Variants in ZZZ3 observed in about 807,000 individuals in gnomAD.
ZZZ3 encodes the protein zinc finger ZZ-type containing 3.
In ZZZ3, 22 loss-of-function variants were observed where a neutral mutation model predicts 95.2. That is an observed-to-expected ratio of 0.23 (90% CI 0.17 to 0.33). The LOEUF is 0.33. Ranked by LOEUF, ZZZ3 falls within the 10% of genes least tolerant of loss-of-function variation. The pLI is 1.00. For synonymous variants in ZZZ3, 335 were observed against 358.9 expected, an observed-to-expected ratio of 0.93 and a Z score of 0.75; for missense variants, 885 against 1,066.5, an observed-to-expected ratio of 0.83 and a Z score of 2.37.
intron 12 of ZZZ3, among the ~76,000 whole-genome samples, chr1:77,571,806 A>G (rs1265422192): frequency 1.3e-5 from 2 of 152,210 alleles, no homozygotes; most frequent in Admixed American, 1.3e-4. Context: ...TGTTTAATAC[A>G]TACAGAGTTT....
intron 4 of ZZZ3, among the ~76,000 whole-genome samples, chr1:77,638,999 A>G (rs973915576): frequency 5.9e-5 from 9 of 152,170 alleles, no homozygotes; most frequent in Non-Finnish European, 1.2e-4. Flanking sequence ...TCTATTATGC[A>G]TTGTTTTACA....
At chr1:77,578,712 A>T (rs1662208240) in intron 11 of ZZZ3, 62 bp downstream of exon 11, 1 of 951,500 alleles carries the variant, frequency 1.1e-6, no homozygotes, top group African/African-American at 1.7e-5. Flanking sequence ...GTAGATTTTT[A>T]CATAGCAATT....
chr1:77,578,444 A>G (rs1662178329), intron 11 of ZZZ3, among the ~76,000 whole-genome samples: 1 of 152,228 alleles, frequency 6.6e-6, no homozygotes, highest in Non-Finnish European at 1.5e-5. Context: ...AAATTGATCT[A>G]TTAAATTTAT....
At chr1:77,681,741 A>C (rs1243464287) in intron 1 of ZZZ3, among the ~76,000 whole-genome samples, 1 of 151,862 alleles carries the variant, frequency 6.6e-6, no homozygotes, top group Non-Finnish European at 1.5e-5. Context: ...AAAACACAAA[A>C]ATTAGCCGGG....
intron 5 of ZZZ3, among the ~76,000 whole-genome samples, chr1:77,617,035 A>T (rs1421046449): frequency 6.6e-6 from 1 of 151,804 alleles, no homozygotes; most frequent in African/African-American, 2.4e-5. Context: ...TGAGCAAAAA[A>T]CCTCTAAGTA....
intron 6 of ZZZ3, among the ~76,000 whole-genome samples, chr1:77,584,064 TAG>T (rs1410306188): frequency 1.3e-5 from 2 of 152,212 alleles, no homozygotes; most frequent in African/African-American, 4.8e-5. Flanking sequence ...ATATTTAAAA[TAG>T]ATTTTGTTTT....
chr1:77,565,858 C>T, intron 14 of ZZZ3, 74 bp from the exon 15 acceptor site: 3 of 1,397,248 alleles, frequency 2.1e-6, no homozygotes, highest in Non-Finnish European at 2.9e-6. Context: ...AAAGCTTCCT[C>T]ACAGCTCTCC....
chr1:77,589,866 A>T (rs1178645470), intron 5 of ZZZ3, among the ~76,000 whole-genome samples: 2 of 152,220 alleles, frequency 1.3e-5, no homozygotes, highest in Admixed American at 1.3e-4. Flanking sequence ...ACAGGCAGAC[A>T]GAAACAGAAG....
In ZZZ3 at chr1:77,565,660, A is replaced by G. The variant is rs754508919; in HGVS notation, c.2692T>C (p.Tyr898His). ...GTSYNYLDPNYFPANR is the reference protein window; with the variant it reads ...GTSYNYLDPNHFPANR ...CCATGTCATCTGTTTGCTGGAAAGT[A>G]GTTTGGGTCAAGGTAATTGTAACTG... is the stretch of plus-strand genomic sequence containing the variant. Residue 898 changes from tyrosine to histidine, a missense_variant, in exon 15 of 15, where the codon TAC becomes CAC. Coordinates refer to ENST00000370801, the MANE Select transcript of ZZZ3 (RefSeq NM_015534.6). The G allele has an allele frequency of 3.1e-6, 5 of 1,613,906 alleles. No homozygotes were observed. Among genetic ancestry groups the G allele is most frequent in the Non-Finnish European group, 4.2e-6 (5 of 1,179,836 alleles).
At chr1:77,568,702 G>A (rs1661080618) in intron 12 of ZZZ3, among the ~76,000 whole-genome samples, 1 of 143,652 alleles carries the variant, frequency 7.0e-6, no homozygotes. Context: ...CTACTTCAAT[G>A]CAGGTAAAAG....
chr1:77,600,899 C>T (rs1472052555), intron 5 of ZZZ3, among the ~76,000 whole-genome samples: 1 of 152,174 alleles, frequency 6.6e-6, no homozygotes, highest in Non-Finnish European at 1.5e-5. Flanking sequence ...CAAGACTGGA[C>T]TCAGACTAGA....
intron 5 of ZZZ3, among the ~76,000 whole-genome samples, chr1:77,615,402 A>G (rs1462761969): frequency 2.0e-5 from 3 of 152,226 alleles, no homozygotes; most frequent in Non-Finnish European, 4.4e-5. Flanking sequence ...CATCATAGAA[A>G]CAAACTTGGC....
chr1:77,639,673 C>CTATA (rs1668595236), intron 3 of ZZZ3, 71 bp from the exon 4 acceptor site: 2 of 378,350 alleles, frequency 5.3e-6, no homozygotes. Context: ...TTTACTCCTT[C>CTATA]TATAATAAGA....
At position 77,639,546 on chromosome 1, in the gene ZZZ3, G is replaced by C; in HGVS notation, c.-149C>G. 8.2e-7 allele frequency: 1 copy of C among 1,224,976 alleles called. No individual in the cohort carries two copies. The highest frequency in any genetic ancestry group is 1.6e-5 in the African/African-American group (1 of 63,562). 75.9% of individuals were successfully genotyped at this position (1,224,976 alleles called of 1,614,324 possible). A position where few individuals can be genotyped will look rare whatever the true frequency, so the allele number is the denominator to read the frequency against. The stretch of plus-strand genomic sequence containing the variant: ...GATCTAGAATGGAGCTTAAGCATCA[G>C]GGTTTCAGACTCTCTCAGCTTCAGC... On this transcript the variant is annotated 5_prime_UTR_variant, in exon 4 of 15. Coordinates refer to ENST00000370801, the MANE Select transcript of ZZZ3 (RefSeq NM_015534.6).
At chr1:77,616,163 C>CT (rs1666294393) in intron 5 of ZZZ3, among the ~76,000 whole-genome samples, 1 of 152,098 alleles carries the variant, frequency 6.6e-6, no homozygotes. Context: ...GTTGATTTTT[C>CT]TTTAAACGCC....
At chr1:77,598,358 C>A (rs1664411531) in intron 5 of ZZZ3, among the ~76,000 whole-genome samples, 1 of 152,108 alleles carries the variant, frequency 6.6e-6, no homozygotes, top group Non-Finnish European at 1.5e-5. Flanking sequence ...TCATTATCCT[C>A]ACATTGAATA....
At chr1:77,587,223 C>A (rs1210245900) in intron 5 of ZZZ3, among the ~76,000 whole-genome samples, 1 of 147,018 alleles carries the variant, frequency 6.8e-6, no homozygotes, top group Non-Finnish European at 1.5e-5. Context: ...AAATTCTCCA[C>A]AATGAATGTT....
At chr1:77,677,905 T>C (rs1322539950) in intron 1 of ZZZ3, among the ~76,000 whole-genome samples, 1 of 152,174 alleles carries the variant, frequency 6.6e-6, no homozygotes, top group Non-Finnish European at 1.5e-5. Context: ...CAAAATCTAA[T>C]TCCTCAAACC....
chr1:77,683,129 C>A (rs1672963629), upstream of ZZZ3: 1 of 149,388 alleles, frequency 6.7e-6, no homozygotes, highest in Non-Finnish European at 1.5e-5. Context: ...GTCGTCGCCT[C>A]CAGCCCACCC....
Sources: gnomAD v4.1 joint callset for allele counts (sites outside exome capture counted in the v4.1 genomes callset) on GRCh38, gnomAD v4.1.1 for gene constraint, MANE v1.5 for transcripts, NCBI Gene and HGNC (gene_info 2026-07-23, HGNC 2026-07-21) for gene names.